The following GLIS3 variants were observed in gnomAD, a reference collection of about 807,000 sequenced individuals.
The protein encoded by GLIS3 is zinc finger protein GLIS3.
A neutral mutation model predicts 78.6 loss-of-function variants in GLIS3; 53 were observed. That is an observed-to-expected ratio of 0.67 (90% CI 0.54 to 0.85). The LOEUF (loss-of-function observed/expected upper bound fraction) is 0.85, where lower values mean the gene tolerates loss of function less well. Ranked by LOEUF, GLIS3 falls within the 40% of genes least tolerant of loss-of-function variation. The pLI is 0.00. For missense variants in GLIS3, 1,703 were observed against 1,231.1 expected, an observed-to-expected ratio of 1.38 and a Z score of -5.74; for synonymous variants, 684 against 509.9, an observed-to-expected ratio of 1.34 and a Z score of -4.60.
At chr9:3,911,260 G>A (rs1386243045) in intron 6 of GLIS3, among the ~76,000 whole-genome samples, 2 of 152,110 alleles carry the variant, frequency 1.3e-5, no homozygotes, top group African/African-American at 2.4e-5. Context: ...TTACAGTGTG[G>A]CATGAATAAA....
At chr9:4,165,472 C>G (rs1051977966) in intron 2 of GLIS3, among the ~76,000 whole-genome samples, 19 of 152,162 alleles carry the variant, frequency 1.2e-4, no homozygotes. Context: ...AACCTACATT[C>G]TTTTCCATGG....
chr9:4,339,472 G>C (rs1484314030), intron 2 of GLIS3, among the ~76,000 whole-genome samples: 1 of 151,808 alleles, frequency 6.6e-6, no homozygotes, highest in Non-Finnish European at 1.5e-5. Context: ...CTGCCAATCT[G>C]TTACATAAAC....
At chr9:4,458,123 T>C in the GLIS3 span, among the ~76,000 whole-genome samples, 589 of 152,290 alleles carry the variant, frequency 3.9e-3, 3 homozygotes, top group African/African-American at 0.014. Flanking sequence ...TCATCTTCCC[T>C]ACCTGATCTC....
chr9:4,397,742 G>A, the GLIS3 span, among the ~76,000 whole-genome samples: 10 of 143,480 alleles, frequency 7.0e-5, no homozygotes, highest in Non-Finnish European at 1.5e-5. Flanking sequence ...GGAAAAGAGG[G>A]AGAAAGAGGA....
chr9:4,290,977 T>C (rs746139219), intron 1 of GLIS3, among the ~76,000 whole-genome samples: 56 of 152,228 alleles, frequency 3.7e-4, no homozygotes, highest in Non-Finnish European at 5.4e-4. Context: ...TGTGGTTCCA[T>C]AATTTTATGC....
chr9:4,028,488 G>A (rs1235914291), intron 4 of GLIS3, among the ~76,000 whole-genome samples: 1 of 152,090 alleles, frequency 6.6e-6, no homozygotes, highest in East Asian at 1.9e-4. Context: ...TCATTTTTCA[G>A]TAAAATGGTT....
At chr9:4,370,984 A>G in the GLIS3 span, among the ~76,000 whole-genome samples, 2 of 152,222 alleles carry the variant, frequency 1.3e-5, no homozygotes, top group African/African-American at 4.8e-5. Context: ...AGATTAAGCT[A>G]CTGAAGATGT....
At chr9:4,367,286 C>T in the GLIS3 span, among the ~76,000 whole-genome samples, 1 of 152,196 alleles carries the variant, frequency 6.6e-6, no homozygotes, top group African/African-American at 2.4e-5. Flanking sequence ...TCAGCATTTT[C>T]ACACTTGATT....
chr9:4,003,543 G>A (rs1351941267), intron 4 of GLIS3, among the ~76,000 whole-genome samples: 1 of 152,144 alleles, frequency 6.6e-6, no homozygotes, highest in Non-Finnish European at 1.5e-5. Flanking sequence ...GAAGAACCGT[G>A]ATGAGAATCA....
At chr9:4,323,862 A>G (rs28725255) in intron 2 of GLIS3, among the ~76,000 whole-genome samples, 20,525 of 152,260 alleles carry the variant, frequency 0.13, 1,480 homozygotes, top group East Asian at 0.25. Flanking sequence ...AGAAGCATTT[A>G]TCTCTACTAT....
chr9:4,151,152 G>A (rs1178664577), intron 2 of GLIS3: 2 of 152,148 alleles, frequency 1.3e-5, no homozygotes, highest in Non-Finnish European at 2.9e-5. Context: ...GATCGACTCT[G>A]TTTCAGTCCA....
intron 2 of GLIS3, among the ~76,000 whole-genome samples, chr9:4,135,404 A>G (rs1833330425): frequency 6.6e-6 from 1 of 152,162 alleles, no homozygotes; most frequent in Non-Finnish European, 1.5e-5. Flanking sequence ...TCATTCAAAT[A>G]TGAGTATGTA....
chr9:4,011,224 A>G (rs1821978390), intron 4 of GLIS3, among the ~76,000 whole-genome samples: 1 of 152,170 alleles, frequency 6.6e-6, no homozygotes, highest in African/African-American at 2.4e-5. Context: ...CAGAGTACAA[A>G]GAGGGTGGCA....
At chr9:4,370,114 C>A in the GLIS3 span, among the ~76,000 whole-genome samples, 1 of 148,536 alleles carries the variant, frequency 6.7e-6, no homozygotes, top group East Asian at 2.0e-4. Context: ...ATCACTTGAA[C>A]CCAGGAGGTG....
chr9:4,274,980 T>A (rs759655956), intron 2 of GLIS3, among the ~76,000 whole-genome samples: 4 of 152,226 alleles, frequency 2.6e-5, no homozygotes, highest in Admixed American at 2.6e-4. Context: ...TTTACGTCTT[T>A]CATTATTCAA....
the GLIS3 span, among the ~76,000 whole-genome samples, chr9:4,381,103 A>C: frequency 1.8e-4 from 28 of 152,356 alleles, no homozygotes; most frequent in African/African-American, 6.3e-4. Flanking sequence ...CTCATCAAAA[A>C]GGAGAGGAAG....
chr9:4,147,921 G>C (rs116702950), intron 2 of GLIS3, among the ~76,000 whole-genome samples: 1 of 152,236 alleles, frequency 6.6e-6, no homozygotes, highest in African/African-American at 2.4e-5. Context: ...ATTCACAAAG[G>C]TAAGTCAACT....
chr9:4,332,899 T>C (rs1293338647), intron 2 of GLIS3, among the ~76,000 whole-genome samples: 3 of 152,230 alleles, frequency 2.0e-5, no homozygotes, highest in Non-Finnish European at 4.4e-5. Context: ...GGTATTATTG[T>C]TCTTTGTTTA....
intron 4 of GLIS3, among the ~76,000 whole-genome samples, chr9:4,050,703 G>T (rs925381840): frequency 1.3e-5 from 2 of 152,148 alleles, no homozygotes; most frequent in Non-Finnish European, 2.9e-5. Flanking sequence ...GGCCTTTATT[G>T]TTTTTATACC....
Sources: gnomAD v4.1 joint callset for allele counts (sites outside exome capture counted in the v4.1 genomes callset) on GRCh38, gnomAD v4.1.1 for gene constraint, MANE v1.5 for transcripts, NCBI Gene and HGNC (gene_info 2026-07-23, HGNC 2026-07-21) for gene names.